KMO: variants seen among roughly 807,000 people sequenced by gnomAD.
KMO encodes kynurenine 3-hydroxylase.
KMO carries 24 observed loss-of-function variants against 57.8 expected under a neutral mutation model. The ratio of observed to expected loss-of-function variants is 0.42; its 90% CI spans 0.30 to 0.58. KMO has a LOEUF of 0.58. KMO is among the 20% of genes least tolerant of loss of function. The pLI, the probability that KMO is intolerant of heterozygous loss-of-function variation, is 0.22. For synonymous variants in KMO, 210 were observed against 193.6 expected, an observed-to-expected ratio of 1.08 and a Z score of -0.70; for missense variants, 483 against 588.2, an observed-to-expected ratio of 0.82 and a Z score of 1.85.
chr1:241,543,599 A>T (rs1558411850), intron 1 of KMO, among the ~76,000 whole-genome samples: 1 of 152,192 alleles, frequency 6.6e-6, no homozygotes, highest in Non-Finnish European at 1.5e-5. Context: ...CATGTCACCC[A>T]ATATACATAT....
At chr1:241,555,802 T>C (rs1375835406) in intron 5 of KMO, 142 bp downstream of exon 5, 5 of 508,412 alleles carry the variant, frequency 9.8e-6, no homozygotes, top group South Asian at 9.4e-5. Flanking sequence ...AAAGTCCTTC[T>C]TGAAGCTAGG....
chr1:241,539,418 C>T (rs1459584477), intron 1 of KMO, among the ~76,000 whole-genome samples: 1 of 147,098 alleles, frequency 6.8e-6, no homozygotes, highest in African/African-American at 2.6e-5. Flanking sequence ...AGCTACTTCA[C>T]CCTTGAAGTT....
intron 1 of KMO, among the ~76,000 whole-genome samples, chr1:241,547,789 G>A (rs886509627): frequency 3.3e-5 from 5 of 152,002 alleles, no homozygotes; most frequent in South Asian, 4.2e-4. Flanking sequence ...GAAAAGTGAC[G>A]GTACATAAAC....
chr1:241,582,967 T>A (rs1484319620), intron 10 of KMO, among the ~76,000 whole-genome samples: 1 of 152,202 alleles, frequency 6.6e-6, no homozygotes, highest in Admixed American at 6.5e-5. Context: ...GGTCTAAGTT[T>A]ATGGTCACTG....
At chr1:241,567,794 AG>A (rs1403422779) in intron 9 of KMO, among the ~76,000 whole-genome samples, 1 of 152,222 alleles carries the variant, frequency 6.6e-6, no homozygotes, top group Non-Finnish European at 1.5e-5. Context: ...TCTGCACACC[AG>A]AATTAGACCT....
chr1:241,560,321 A>G (rs1185565578), intron 5 of KMO, among the ~76,000 whole-genome samples: 1 of 152,204 alleles, frequency 6.6e-6, no homozygotes, highest in Non-Finnish European at 1.5e-5. Flanking sequence ...TCCAGTCACA[A>G]CAAAGCCTCG....
chr1:241,574,180 G>A (rs1662414606), intron 10 of KMO, among the ~76,000 whole-genome samples: 2 of 152,008 alleles, frequency 1.3e-5, no homozygotes, highest in Non-Finnish European at 2.9e-5. Context: ...TGAGTCTTTA[G>A]GGTTTTCTAA....
chr1:241,587,134 G>C (rs900929238), intron 11 of KMO, among the ~76,000 whole-genome samples: 4 of 152,156 alleles, frequency 2.6e-5, no homozygotes, highest in African/African-American at 9.7e-5. Flanking sequence ...CCACAGACAG[G>C]GGGTGGGGGG....
chr1:241,549,252 A>AGTCG (rs142921245), intron 2 of KMO, among the ~76,000 whole-genome samples: 4,313 of 17,324 alleles, frequency 0.25, 281 homozygotes, highest in South Asian at 0.34. Context: ...AAAGAAAGAA[A>AGTCG]GAAAGAAAGA....
rs1661579692 is a variant in KMO at position 241,555,508 on chromosome 1, C to T, written c.313-104C>T. On this transcript the variant is annotated intron_variant, in intron 4 of 14. Coordinates refer to ENST00000366559, the MANE Select transcript of KMO (RefSeq NM_003679.5). ...AATGGTTATAAAACTAAGCTTGCAACCCTCTGCTAAATAATAAATATGTTT... is the reference window on the plus strand; with the variant it reads ...AATGGTTATAAAACTAAGCTTGCAATCCTCTGCTAAATAATAAATATGTTT... 6 of 611,998 alleles carry T rather than the reference C, an allele frequency of 9.8e-6. No homozygotes were observed. The South Asian group carries it at 1.1e-4, about 12-fold the overall frequency. The allele number at this position is 611,998 out of a possible 1,614,324, so 37.9% of individuals were successfully genotyped here. A position where few individuals can be genotyped will look rare whatever the true frequency, so the allele number is the denominator to read the frequency against.
At chr1:241,583,079 A>C (rs979054956) in intron 10 of KMO, among the ~76,000 whole-genome samples, 1 of 152,198 alleles carries the variant, frequency 6.6e-6, no homozygotes, top group Non-Finnish European at 1.5e-5. Context: ...ATTGTCCTAA[A>C]GGGAGAATTC....
intron 1 of KMO, among the ~76,000 whole-genome samples, chr1:241,533,866 G>T (rs1379832443): frequency 6.6e-6 from 1 of 152,208 alleles, no homozygotes; most frequent in Non-Finnish European, 1.5e-5. Flanking sequence ...TGTGACCAGA[G>T]ACCTGAATGA....
At chr1:241,588,055 C>T (rs10926522) in intron 11 of KMO, among the ~76,000 whole-genome samples, 3,247 of 152,288 alleles carry the variant, frequency 0.021, 103 homozygotes, top group African/African-American at 0.074. Flanking sequence ...CAAGTCCTGA[C>T]TTGCCAACTT....
At chr1:241,566,422 CAGGAGCCACCT>C in intron 8 of KMO, 58 bp from the exon 9 acceptor site, 1 of 1,527,212 alleles carries the variant, frequency 6.5e-7, no homozygotes, top group South Asian at 1.3e-5. Context: ...CTTGTGATTT[CAGGAGCCACCT>C]AGTGCCAGCG....
intron 4 of KMO, among the ~76,000 whole-genome samples, chr1:241,551,768 G>A (rs1661399742): frequency 6.6e-6 from 1 of 152,168 alleles, no homozygotes; most frequent in African/African-American, 2.4e-5. Context: ...CAGCGTCTGA[G>A]TGAGAATTCA....
intron 5 of KMO, chr1:241,555,901 C>T (rs1478444029): frequency 5.7e-6 from 2 of 348,268 alleles, no homozygotes; most frequent in Non-Finnish European, 1.0e-5. Context: ...GCCTGGGCAA[C>T]ATGGAGAGAC....
At position 241,594,852 on chromosome 1, in the gene KMO, C is replaced by A; in HGVS notation, c.*2699C>A. 1 of 699,514 alleles carries A rather than the reference C, an allele frequency of 1.4e-6. No individual in the cohort carries two copies. Among genetic ancestry groups the A allele is most frequent in the South Asian group, 2.0e-5 (1 of 50,992 alleles). 43.3% of individuals were successfully genotyped at this position (699,514 alleles called of 1,614,324 possible). On this transcript the variant is annotated 3_prime_UTR_variant, in exon 15 of 15. Coordinates refer to ENST00000366559, the MANE Select transcript of KMO (RefSeq NM_003679.5). ...TCATGCTCAGATCTACCTAAATCAC[C>A]CCAGAGCTTTATGTCTTTTATTCAT...
rs1663208046 is a variant in KMO, at chr1:241,590,255, C to CA, written c.1259dup (p.Val421GlyfsTer65). 2 of 1,609,228 alleles carry CA rather than the reference C, an allele frequency of 1.2e-6. No individual in the cohort carries two copies. The highest frequency in any genetic ancestry group is 1.3e-5 in the African/African-American group (1 of 74,404). On this transcript the variant is annotated frameshift_variant, in exon 14 of 15. Coordinates refer to ENST00000366559, the MANE Select transcript of KMO (RefSeq NM_003679.5). LOFTEE classifies it low-confidence loss of function (END_TRUNC). ...TGAGGCTGTGCAGCGTTGGCATTGG[C>CA]AAAAAAAGGTTGGAACAGTTACATT...
At chr1:241,570,942 T>A (rs543041317) in intron 10 of KMO, among the ~76,000 whole-genome samples, 1 of 152,214 alleles carries the variant, frequency 6.6e-6, no homozygotes, top group African/African-American at 2.4e-5. Flanking sequence ...TTTTTTTGTG[T>A]CCTCTTCAAT....
Sources: gnomAD v4.1 joint callset for allele counts (sites outside exome capture counted in the v4.1 genomes callset) on GRCh38, gnomAD v4.1.1 for gene constraint, MANE v1.5 for transcripts, NCBI Gene and HGNC (gene_info 2026-07-23, HGNC 2026-07-21) for gene names.